Variants in DSCAM observed in about 807,000 individuals in gnomAD.
DSCAM encodes the protein DS cell adhesion molecule.
Under a neutral mutation model 217.7 loss-of-function variants are expected in DSCAM, and 47 were observed. That is an observed-to-expected ratio of 0.22 (90% CI 0.17 to 0.28). The LOEUF (loss-of-function observed/expected upper bound fraction) is 0.28, where lower values mean the gene tolerates loss of function less well. DSCAM is among the 10% of genes least tolerant of loss of function. DSCAM has a pLI of 1.00. For synonymous variants in DSCAM, 1,056 were observed against 1,015.3 expected, an observed-to-expected ratio of 1.04 and a Z score of -0.76; for missense variants, 2,080 against 2,618.3, an observed-to-expected ratio of 0.79 and a Z score of 4.49.
At chr21:40,124,373 G>T in intron 19 of DSCAM, 45 bp from the exon 20 acceptor site, 1 of 1,609,248 alleles carries the variant, frequency 6.2e-7, no homozygotes, top group Non-Finnish European at 8.5e-7. Context: ...CCTCAACTTG[G>T]GCTTGCGGAC....
At chr21:40,091,330 A>C (rs561701587) in intron 21 of DSCAM, among the ~76,000 whole-genome samples, 1 of 152,242 alleles carries the variant, frequency 6.6e-6, no homozygotes, top group South Asian at 2.1e-4. Context: ...AAAACCCAGC[A>C]TGATCAGGTC....
intron 3 of DSCAM, among the ~76,000 whole-genome samples, chr21:40,375,107 A>G (rs2074936967): frequency 6.6e-6 from 1 of 152,306 alleles, no homozygotes; most frequent in African/African-American, 2.4e-5. Context: ...TCTCAAAATT[A>G]ATCATTTCTT....
chr21:40,598,980 C>T (rs2077042686), intron 3 of DSCAM, among the ~76,000 whole-genome samples: 2 of 152,012 alleles, frequency 1.3e-5, no homozygotes, highest in Non-Finnish European at 2.9e-5. Flanking sequence ...ATATCTTTAT[C>T]TTCCACTTCT....
intron 3 of DSCAM, among the ~76,000 whole-genome samples, chr21:40,518,666 GT>G (rs1230517135): frequency 7.6e-6 from 1 of 132,282 alleles, no homozygotes; most frequent in African/African-American, 3.0e-5. Context: ...GTATATATAT[GT>G]GTATGTGTGT....
intron 3 of DSCAM, among the ~76,000 whole-genome samples, chr21:40,659,880 T>C (rs558518873): frequency 4.6e-5 from 7 of 152,316 alleles, no homozygotes; most frequent in African/African-American, 7.2e-5. Flanking sequence ...CCAAATAACA[T>C]ACATGTAAGC....
chr21:40,572,858 C>T (rs1192981774), intron 3 of DSCAM, among the ~76,000 whole-genome samples: 1 of 151,894 alleles, frequency 6.6e-6, no homozygotes, highest in East Asian at 1.9e-4. Context: ...ACAAGTAGAC[C>T]AAAAATCAAA....
chr21:40,715,602 GCTAA>G (rs1469036978), intron 1 of DSCAM, among the ~76,000 whole-genome samples: 1 of 152,128 alleles, frequency 6.6e-6, no homozygotes, highest in Non-Finnish European at 1.5e-5. Context: ...GAAAATTATT[GCTAA>G]CTAAGAAATC....
chr21:40,376,400 A>C (rs1043885829), intron 3 of DSCAM, among the ~76,000 whole-genome samples: 2 of 146,936 alleles, frequency 1.4e-5, no homozygotes, highest in Non-Finnish European at 3.0e-5. Context: ...AGATATATAT[A>C]TATCTATATC....
At chr21:40,513,883 G>A (rs2076279490) in intron 3 of DSCAM, among the ~76,000 whole-genome samples, 1 of 152,076 alleles carries the variant, frequency 6.6e-6, no homozygotes, top group African/African-American at 2.4e-5. Context: ...ACAAAAACAA[G>A]TGAAGTCAAA....
chr21:40,510,657 G>A (rs1192392578), intron 3 of DSCAM, among the ~76,000 whole-genome samples: 2 of 152,168 alleles, frequency 1.3e-5, no homozygotes, highest in East Asian at 1.9e-4. Context: ...CTTTTTCATT[G>A]GAGGGTACAT....
intron 11 of DSCAM, among the ~76,000 whole-genome samples, chr21:40,238,572 G>A (rs1406019674): frequency 6.6e-6 from 1 of 152,172 alleles, no homozygotes; most frequent in Non-Finnish European, 1.5e-5. Flanking sequence ...ACAACCAAGC[G>A]CTCTGAGTGG....
intron 1 of DSCAM, among the ~76,000 whole-genome samples, chr21:40,828,798 G>A (rs1569057397): frequency 6.6e-6 from 1 of 152,050 alleles, no homozygotes; most frequent in Non-Finnish European, 1.5e-5. Flanking sequence ...TGGGACTACA[G>A]GCACATGCCA....
chr21:40,143,093 AGTACG>A (rs1402836769), intron 17 of DSCAM, among the ~76,000 whole-genome samples: 2 of 152,198 alleles, frequency 1.3e-5, no homozygotes, highest in African/African-American at 4.8e-5. Context: ...TACTTTATAG[AGTACG>A]GTACCTCTGT....
At chr21:40,412,256 G>T (rs1253718272) in intron 3 of DSCAM, among the ~76,000 whole-genome samples, 2 of 152,170 alleles carry the variant, frequency 1.3e-5, no homozygotes, top group East Asian at 1.9e-4. Context: ...GTCCAGTGGG[G>T]TGCTGATGAA....
intron 18 of DSCAM, among the ~76,000 whole-genome samples, chr21:40,139,827 T>C (rs568579190): frequency 5.4e-4 from 81 of 150,454 alleles, no homozygotes; most frequent in African/African-American, 1.7e-3. Flanking sequence ...GTGTGTGGTA[T>C]GCGTGGTGTG....
chr21:40,361,429 G>A (rs543422395), intron 4 of DSCAM, among the ~76,000 whole-genome samples: 37 of 152,224 alleles, frequency 2.4e-4, no homozygotes, highest in Middle Eastern at 3.4e-3. Context: ...GCCCATCCTG[G>A]CCAACATGGT....
Position 40,663,277 on chromosome 21 carries a change from GTA to G in DSCAM, c.508+29531_508+29532del, listed in dbSNP as rs1396958539. Reference sequence around the variant, plus strand: ...GTCAAAGTGTGTGTGTGGGGGGGGTGTATATGTGTGTGTGTGTGGTGTGTGTG... The same window carrying G: ...GTCAAAGTGTGTGTGTGGGGGGGGTGTATGTGTGTGTGTGTGGTGTGTGTG... On this transcript the variant is annotated intron_variant, in intron 3 of 32. Coordinates refer to ENST00000400454, the MANE Select transcript of DSCAM (RefSeq NM_001389.5). 8.5e-5 allele frequency among the ~76,000 whole-genome samples: 11 copies of G among 128,896 alleles called. No individual in the cohort carries two copies. The South Asian group carries it at 1.5e-3, about 18-fold the overall frequency. 84.6% of individuals were successfully genotyped at this position (128,896 alleles called of 152,430 possible). A position where few individuals can be genotyped will look rare whatever the true frequency, so the allele number is the denominator to read the frequency against.
chr21:40,431,438 C>A (rs556299849), intron 3 of DSCAM, among the ~76,000 whole-genome samples: 1 of 149,498 alleles, frequency 6.7e-6, no homozygotes, highest in African/African-American at 2.4e-5. Flanking sequence ...AATGTGAAGA[C>A]GATGAGGACA....
In DSCAM at chr21:40,300,263, G is replaced by C. The variant is rs189347949; in HGVS notation, c.2063-4089C>G. Among the ~76,000 whole-genome samples, 93 of 152,276 alleles carry C rather than the reference G, an allele frequency of 6.1e-4. 1 individual carries two copies. Among genetic ancestry groups the C allele is most frequent in the Non-Finnish European group, 9.7e-4 (66 of 68,028 alleles). The stretch of plus-strand genomic sequence containing the variant: ...AATTCAAGTTTCCAAAATGGTACCT[G>C]TTCCTGTTCACCATCCATTAAGGTC... On this transcript the variant is annotated intron_variant, in intron 9 of 32. Transcript: ENST00000400454.
Sources: allele counts gnomAD v4.1 joint callset (sites outside exome capture counted in the v4.1 genomes callset), GRCh38; gene constraint gnomAD v4.1.1; transcripts MANE v1.5; gene names NCBI Gene and HGNC (gene_info 2026-07-23, HGNC 2026-07-21).